Variants in THADA observed in about 807,000 individuals in gnomAD.
The protein encoded by THADA is THADA armadillo repeat containing.
In THADA, 213 loss-of-function variants were observed where a neutral mutation model predicts 219.8. The observed-to-expected ratio is 0.97, with a 90% CI of 0.87 to 1.09. The LOEUF is 1.09. THADA is among the 50% of genes least tolerant of loss of function. The pLI is 0.00. For synonymous variants in THADA, 1,018 were observed against 828.9 expected (o/e 1.23, Z -3.92); for missense variants, 2,956 against 2,311.3 (o/e 1.28, Z -5.72).
intron 17 of THADA, among the ~76,000 whole-genome samples, chr2:43,554,884 T>C (rs1417852096): frequency 1.3e-5 from 2 of 152,180 alleles, no homozygotes; most frequent in Non-Finnish European, 2.9e-5. Flanking sequence ...AGATTTTATA[T>C]TTTTTCAGAT....
intron 26 of THADA, among the ~76,000 whole-genome samples, chr2:43,464,779 G>C (rs1684039281): frequency 6.6e-6 from 1 of 151,968 alleles, no homozygotes; most frequent in African/African-American, 2.4e-5. Flanking sequence ...ACACGCCCTG[G>C]CCTCCTCCAC....
intron 29 of THADA, among the ~76,000 whole-genome samples, chr2:43,385,599 T>A (rs1272455963): frequency 2.8e-5 from 3 of 105,982 alleles, no homozygotes; most frequent in African/African-American, 1.2e-4. Flanking sequence ...AGAGCGAGAC[T>A]CCGTCTCAAA....
At chr2:43,508,588 G>C in intron 23 of THADA, 60 bp downstream of exon 23, 1 of 1,556,562 alleles carries the variant, frequency 6.4e-7, no homozygotes, top group Non-Finnish European at 8.7e-7. Flanking sequence ...AAACAGGTTA[G>C]GATACACTAT....
intron 36 of THADA, among the ~76,000 whole-genome samples, chr2:43,259,629 A>G (rs1407618356): frequency 2.0e-5 from 3 of 152,254 alleles, no homozygotes; most frequent in Admixed American, 2.0e-4. Context: ...TTTTTCAGTT[A>G]ACAATATATC....
intron 4 of THADA, among the ~76,000 whole-genome samples, chr2:43,587,298 C>T (rs1402221679): frequency 2.0e-5 from 3 of 152,194 alleles, no homozygotes; most frequent in African/African-American, 4.8e-5. Context: ...ATATCCTTCT[C>T]GGTTAAAGTA....
At chr2:43,278,851 T>C (rs1673019600) in intron 36 of THADA, among the ~76,000 whole-genome samples, 1 of 152,230 alleles carries the variant, frequency 6.6e-6, no homozygotes, top group African/African-American at 2.4e-5. Context: ...CAAAGGCTTA[T>C]CTGGCCTCCT....
intron 26 of THADA, among the ~76,000 whole-genome samples, chr2:43,452,411 C>T (rs1377880424): frequency 6.6e-6 from 1 of 152,118 alleles, no homozygotes; most frequent in African/African-American, 2.4e-5. Flanking sequence ...TGAAGTGAGT[C>T]TCCCAACATC....
chr2:43,530,379 C>G (rs913636968), intron 21 of THADA, among the ~76,000 whole-genome samples: 2 of 152,130 alleles, frequency 1.3e-5, no homozygotes, highest in Admixed American at 1.3e-4. Context: ...AATTAAACCC[C>G]TAAAATAGGG....
In THADA at chr2:43,513,680, G is replaced by C. The variant is rs925129152; in HGVS notation, c.3375-4900C>G. 2.0e-5 allele frequency among the ~76,000 whole-genome samples: 3 copies of C among 152,224 alleles called. No individual in the cohort carries two copies. In the South Asian group the frequency reaches 6.2e-4, roughly 32 times the overall value. ...TCTAGTTCCTCTGATAGAGAGGAAA[G>C]AGCCTAGAAAGAGATCAGTAAACAA... On this transcript the variant is annotated intron_variant, in intron 22 of 37. Coordinates refer to ENST00000405975, the MANE Select transcript of THADA (RefSeq NM_022065.5).
intron 12 of THADA, among the ~76,000 whole-genome samples, 196 bp from the exon 13 acceptor site, chr2:43,572,058 T>C (rs1371538191): frequency 6.6e-6 from 1 of 152,320 alleles, no homozygotes; most frequent in South Asian, 2.1e-4. Context: ...AACATGTAAA[T>C]TGGGGATTTA....
chr2:43,536,612 T>C (rs1694634153), intron 21 of THADA, among the ~76,000 whole-genome samples: 1 of 152,108 alleles, frequency 6.6e-6, no homozygotes, highest in Non-Finnish European at 1.5e-5. Context: ...GGGTATAAAT[T>C]TCCACAGGGG....
intron 29 of THADA, among the ~76,000 whole-genome samples, chr2:43,386,493 T>C (rs1478982948): frequency 6.6e-6 from 1 of 152,250 alleles, no homozygotes; most frequent in Non-Finnish European, 1.5e-5. Flanking sequence ...CTTATTTGTA[T>C]GCATCATACT....
chr2:43,565,430 T>TG (rs1698548471), intron 15 of THADA: 1 of 74,808 alleles, frequency 1.3e-5, no homozygotes, highest in Non-Finnish European at 2.6e-5. Context: ...AGACTCCGTC[T>TG]CAAAAAAAAA....
chr2:43,501,338 A>AAG (rs1558864635), intron 24 of THADA, among the ~76,000 whole-genome samples: 77 of 134,786 alleles, frequency 5.7e-4, no homozygotes, highest in African/African-American at 7.1e-4. Context: ...AAAAAAAAAA[A>AAG]AGAGAGACTT....
chr2:43,303,801 TC>T (rs1676531099), intron 31 of THADA, among the ~76,000 whole-genome samples: 1 of 152,066 alleles, frequency 6.6e-6, no homozygotes, highest in Admixed American at 6.5e-5. Context: ...GTGGTCAATG[TC>T]CCATGTAGGG....
At chr2:43,258,367 A>G (rs952341266) in intron 36 of THADA, among the ~76,000 whole-genome samples, 1 of 151,934 alleles carries the variant, frequency 6.6e-6, no homozygotes, top group African/African-American at 2.4e-5. Context: ...TACTAAAAAT[A>G]CAAAATTAGC....
At chr2:43,381,408 GTGA>G (rs1672014005) in intron 29 of THADA, among the ~76,000 whole-genome samples, 1 of 152,068 alleles carries the variant, frequency 6.6e-6, no homozygotes, top group Non-Finnish European at 1.5e-5. Context: ...GCCTCAGGAG[GTGA>G]AGCTCAACTT....
At chr2:43,575,779 C>A (rs1043741603) in intron 10 of THADA, among the ~76,000 whole-genome samples, 6 of 152,110 alleles carry the variant, frequency 3.9e-5, no homozygotes, top group Non-Finnish European at 8.8e-5. Flanking sequence ...CTCAAGTGAT[C>A]CACCTGCCTG....
chr2:43,301,880 G>A (rs575075045), intron 31 of THADA, among the ~76,000 whole-genome samples: 171 of 152,190 alleles, frequency 1.1e-3, no homozygotes, highest in Non-Finnish European at 1.8e-3. Flanking sequence ...GTGCAACAAC[G>A]TTTGTGTCCT....
Sources: allele counts gnomAD v4.1 joint callset (sites outside exome capture counted in the v4.1 genomes callset), GRCh38; gene constraint gnomAD v4.1.1; transcripts MANE v1.5; gene names NCBI Gene and HGNC (gene_info 2026-07-23, HGNC 2026-07-21).